Variants in RSRC1 observed in about 807,000 individuals in gnomAD.
The protein encoded by RSRC1 is serine/Arginine-related protein 53.
A neutral mutation model predicts 49.1 loss-of-function variants in RSRC1; 39 were observed. That is an observed-to-expected ratio of 0.79 (90% CI 0.61 to 1.04). The LOEUF (loss-of-function observed/expected upper bound fraction) is 1.04. Among genes scored for constraint, RSRC1 ranks in the 50% least tolerant of loss-of-function variants. The probability of loss-of-function intolerance (pLI) is 0.00; values close to 1 mark genes in which losing one functional copy is unlikely to be tolerated. For missense variants in RSRC1, 388 were observed against 402.4 expected, an observed-to-expected ratio of 0.96 and a Z score of 0.31; for synonymous variants, 143 against 130.8, an observed-to-expected ratio of 1.09 and a Z score of -0.63.
In RSRC1 at chr3:158,415,486, G is replaced by A. The variant is rs375168952; in HGVS notation, c.584-45449G>A. 7.2e-5 allele frequency among the ~76,000 whole-genome samples: 11 copies of A among 151,888 alleles called. No individual in the cohort carries two copies. In the East Asian group the frequency reaches 1.9e-3, roughly 27 times the overall value. ...CTTTGGCTCCATTATTTACTACTGA[G>A]TGACTTAATTACTCAAATTCTCGGT... On this transcript the variant is annotated intron_variant, in intron 6 of 9. Transcript: ENST00000611884.
At chr3:158,182,414 A>G (rs1424780192) in intron 3 of RSRC1, among the ~76,000 whole-genome samples, 1 of 152,208 alleles carries the variant, frequency 6.6e-6, no homozygotes, top group Non-Finnish European at 1.5e-5. Flanking sequence ...AGTGGGCCCC[A>G]GATTATAAAT....
intron 7 of RSRC1, among the ~76,000 whole-genome samples, chr3:158,474,042 G>A (rs141089493): frequency 0.013 from 1,969 of 152,212 alleles, 27 homozygotes; most frequent in Non-Finnish European, 0.019. Flanking sequence ...GCTTTGGTTG[G>A]AGTTTATTAA....
intron 7 of RSRC1, among the ~76,000 whole-genome samples, chr3:158,532,403 T>G (rs1271766006): frequency 1.3e-5 from 2 of 151,936 alleles, no homozygotes; most frequent in Admixed American, 6.6e-5. Flanking sequence ...TCTTTTCAAA[T>G]GAAAGATTGA....
At chr3:158,245,955 A>T (rs1723863082) in intron 4 of RSRC1, among the ~76,000 whole-genome samples, 1 of 152,050 alleles carries the variant, frequency 6.6e-6, no homozygotes, top group Non-Finnish European at 1.5e-5. Flanking sequence ...GAGTCTTTTA[A>T]ATACAGTGTA....
At chr3:158,147,618 A>AT (rs1209624097) in intron 3 of RSRC1, among the ~76,000 whole-genome samples, 2 of 152,018 alleles carry the variant, frequency 1.3e-5, no homozygotes, top group Non-Finnish European at 2.9e-5. Flanking sequence ...AAAATAGATT[A>AT]TTTTTTCATG....
chr3:158,175,911 T>A (rs1356467684), intron 3 of RSRC1, among the ~76,000 whole-genome samples: 1 of 152,166 alleles, frequency 6.6e-6, no homozygotes, highest in Non-Finnish European at 1.5e-5. Context: ...TTCCACTTTA[T>A]TGAATCAGCT....
chr3:158,171,769 G>A (rs1718894797), intron 3 of RSRC1, among the ~76,000 whole-genome samples: 1 of 151,974 alleles, frequency 6.6e-6, no homozygotes, highest in Non-Finnish European at 1.5e-5. Context: ...GAACCAAATA[G>A]ACAGATCCTG....
chr3:158,325,317 GA>G (rs1351238869), intron 5 of RSRC1, among the ~76,000 whole-genome samples: 3 of 152,174 alleles, frequency 2.0e-5, no homozygotes, highest in Non-Finnish European at 4.4e-5. Flanking sequence ...CCTAAGTCCT[GA>G]ATAGTATTGC....
At chr3:158,348,822 T>C (rs572021908) in intron 5 of RSRC1, among the ~76,000 whole-genome samples, 9 of 152,266 alleles carry the variant, frequency 5.9e-5, no homozygotes, top group Non-Finnish European at 1.3e-4. Context: ...CTTTCACTTA[T>C]AACTGAGAAC....
chr3:158,182,199 G>A (rs1449966399), intron 3 of RSRC1, among the ~76,000 whole-genome samples: 1 of 152,136 alleles, frequency 6.6e-6, no homozygotes, highest in Non-Finnish European at 1.5e-5. Flanking sequence ...GTCTGGGGAA[G>A]TGTGTTAAGA....
chr3:158,484,699 C>T (rs1267068840), intron 7 of RSRC1, among the ~76,000 whole-genome samples: 3 of 152,040 alleles, frequency 2.0e-5, no homozygotes, highest in African/African-American at 4.8e-5. Flanking sequence ...TAGTTTATGA[C>T]TCAAACAATT....
At chr3:158,366,635 T>G (rs544003128) in intron 6 of RSRC1, among the ~76,000 whole-genome samples, 4 of 152,108 alleles carry the variant, frequency 2.6e-5, no homozygotes, top group Non-Finnish European at 5.9e-5. Context: ...TATGGGCTCT[T>G]TTTTTTGTTT....
At chr3:158,411,823 T>C (rs1578442154) in intron 6 of RSRC1, among the ~76,000 whole-genome samples, 1 of 152,166 alleles carries the variant, frequency 6.6e-6, no homozygotes, top group South Asian at 2.1e-4. Flanking sequence ...TTTTTCCTTA[T>C]TGACTTGAAG....
chr3:158,144,044 A>G (rs1294446536), intron 3 of RSRC1, among the ~76,000 whole-genome samples: 1 of 152,248 alleles, frequency 6.6e-6, no homozygotes, highest in African/African-American at 2.4e-5. Context: ...AAGTCCATCA[A>G]AGGACATTAA....
At chr3:158,127,996 G>A (rs114727300) in intron 3 of RSRC1, among the ~76,000 whole-genome samples, 220 of 152,232 alleles carry the variant, frequency 1.4e-3, no homozygotes, top group African/African-American at 5.1e-3. Context: ...CACTTCTGAC[G>A]AAGAAACAAG....
At chr3:158,460,224 A>G (rs1198745361) in intron 6 of RSRC1, among the ~76,000 whole-genome samples, 3 of 151,934 alleles carry the variant, frequency 2.0e-5, no homozygotes, top group Non-Finnish European at 4.4e-5. Context: ...ATAAAGGAGA[A>G]TCGCTCCTTT....
rs1484333358 is a variant in RSRC1, at chr3:158,438,372, G to A, written c.584-22563G>A. Among the ~76,000 whole-genome samples, 5 of 152,212 alleles carry A rather than the reference G, an allele frequency of 3.3e-5. No individual in the cohort carries two copies. In the East Asian group the frequency reaches 5.8e-4, roughly 18 times the overall value. On this transcript the variant is annotated intron_variant, in intron 6 of 9. Coordinates refer to ENST00000611884, the MANE Select transcript of RSRC1 (RefSeq NM_001271838.2). ...AACCACATAGCCAAGACAATCCTAA[G>A]CAAAAAGAACAAAGCTGGAGGTATC...
At chr3:158,180,889 C>T (rs138503644) in intron 3 of RSRC1, among the ~76,000 whole-genome samples, 215 of 148,852 alleles carry the variant, frequency 1.4e-3, no homozygotes, top group African/African-American at 4.8e-3. Context: ...ACTGCAACCT[C>T]CGCCTCCCAG....
At chr3:158,519,086 G>T (rs528048919) in intron 7 of RSRC1, among the ~76,000 whole-genome samples, 2 of 151,964 alleles carry the variant, frequency 1.3e-5, no homozygotes, top group Non-Finnish European at 2.9e-5. Context: ...ACCCATTCAG[G>T]TCTTTCTCGT....
Sources: allele counts gnomAD v4.1 joint callset (sites outside exome capture counted in the v4.1 genomes callset), GRCh38; gene constraint gnomAD v4.1.1; transcripts MANE v1.5; gene names NCBI Gene and HGNC (gene_info 2026-07-23, HGNC 2026-07-21).